Variants in RAB11FIP3 observed in about 807,000 individuals in gnomAD.
RAB11FIP3 encodes rab11 family-interacting protein 3.
In RAB11FIP3, 17 loss-of-function variants were observed where a neutral mutation model predicts 77.8. The ratio of observed to expected loss-of-function variants is 0.22; its 90% CI spans 0.15 to 0.33. RAB11FIP3 has a LOEUF of 0.33. Ranked by LOEUF, RAB11FIP3 falls within the 10% of genes least tolerant of loss-of-function variation. The pLI, the probability that RAB11FIP3 is intolerant of heterozygous loss-of-function variation, is 1.00. For synonymous variants in RAB11FIP3, 437 were observed against 448.2 expected (o/e 0.98, Z 0.31); for missense variants, 1,005 against 1,011.2 (o/e 0.99, Z 0.08).
In RAB11FIP3 at chr16:519,899, C is replaced by A. The variant is rs1333622150; in HGVS notation, c.1860+8C>A. The A allele has an allele frequency of 4.5e-6, 7 of 1,570,476 alleles. No individual in the cohort carries two copies. The highest frequency in any genetic ancestry group is 4.0e-4 in the Middle Eastern group (2 of 4,992). ...AAGGAGGCCACCCAGGAGGTGAGCA[C>A]CCACCCTGCCCCACGCCCAGTCCTG... On this transcript the variant is annotated splice_region_variant and intron_variant, in intron 11 of 13. Coordinates refer to ENST00000262305, the MANE Select transcript of RAB11FIP3 (RefSeq NM_014700.4).
At chr16:430,025 A>G (rs944115642) in intron 1 of RAB11FIP3, among the ~76,000 whole-genome samples, 5 of 152,008 alleles carry the variant, frequency 3.3e-5, no homozygotes, top group African/African-American at 1.2e-4. Context: ...GTGTAGTGTA[A>G]TATAACACAG....
At chr16:520,676 G>C (rs773834915) in intron 13 of RAB11FIP3, 50 bp from the exon 14 acceptor site, 2 of 1,610,986 alleles carry the variant, frequency 1.2e-6, no homozygotes, top group East Asian at 4.5e-5. Context: ...TTTATGCGCT[G>C]TGGCCTGTGG....
In RAB11FIP3 at chr16:463,428, CG is replaced by C. The variant is rs1195350232; in HGVS notation, c.808+1933del. ...GGGAAACGTGCTGTGTGTTGTTCCC[CG>C]GTTTTTTTTTTTTTTTTTTTTTTTT... On this transcript the variant is annotated intron_variant, in intron 2 of 13. Transcript: ENST00000262305. Among the ~76,000 whole-genome samples the C allele has an allele frequency of 4.5e-3, 629 of 140,826 alleles. 4 individuals are homozygous for C. Among genetic ancestry groups the C allele is most frequent in the African/African-American group, 0.016 (602 of 37,360 alleles). 92.4% of individuals were successfully genotyped at this position (140,826 alleles called of 152,430 possible). A position where few individuals can be genotyped will look rare whatever the true frequency, so the allele number is the denominator to read the frequency against.
chr16:439,884 G>T (rs546962554), intron 1 of RAB11FIP3, among the ~76,000 whole-genome samples: 1 of 151,132 alleles, frequency 6.6e-6, no homozygotes, highest in East Asian at 1.9e-4. Context: ...TCGCTCTGTT[G>T]CCCAGCTGGA....
chr16:480,958 C>T lies in RAB11FIP3; in HGVS notation c.904-1567C>T, dbSNP rs2056027194. On this transcript the variant is annotated intron_variant, in intron 3 of 13. Transcript: ENST00000262305. Reference sequence around the variant, plus strand: ...CCTGAGTAGCTGGGATACAGGAGTTCGCCACCACACCCGGCTAATTTTGTA... The same window carrying T: ...CCTGAGTAGCTGGGATACAGGAGTTTGCCACCACACCCGGCTAATTTTGTA... 1.8e-5 allele frequency among the ~76,000 whole-genome samples: 2 copies of T among 111,702 alleles called. 1 individual carries two copies. The highest frequency in any genetic ancestry group is 4.4e-5 in the Non-Finnish European group (2 of 45,470). 73.3% of individuals were successfully genotyped at this position (111,702 alleles called of 152,430 possible).
intron 1 of RAB11FIP3, among the ~76,000 whole-genome samples, chr16:433,248 G>C (rs1470325677): frequency 7.5e-6 from 1 of 132,652 alleles, no homozygotes; most frequent in Non-Finnish European, 1.6e-5. Flanking sequence ...GGCCAGGCTG[G>C]TCTCGAACTC....
chr16:492,370 A>ACCCGAGGCCGTCCAGGGCCCTTCCCGGGG (rs2030411501), intron 5 of RAB11FIP3, among the ~76,000 whole-genome samples: 3 of 131,798 alleles, frequency 2.3e-5, no homozygotes, highest in Admixed American at 7.3e-5. Context: ...TCTTCCCGGG[A>ACCCGAGGCCGTCCAGGGCCCTTCCCGGGG]GACCCGAGGC....
chr16:433,032 T>C (rs2055064591), intron 1 of RAB11FIP3, among the ~76,000 whole-genome samples: 2 of 118,536 alleles, frequency 1.7e-5, no homozygotes, highest in South Asian at 6.3e-4. Context: ...ATTTATCTTT[T>C]TTTTTTTTTT....
intron 2 of RAB11FIP3, among the ~76,000 whole-genome samples, chr16:469,218 G>A (rs1217537665): frequency 6.6e-6 from 1 of 151,718 alleles, no homozygotes; most frequent in Non-Finnish European, 1.5e-5. Context: ...TGGGATTACA[G>A]GCACATACCA....
chr16:446,664 C>T (rs891101993), intron 1 of RAB11FIP3, among the ~76,000 whole-genome samples: 5 of 152,282 alleles, frequency 3.3e-5, no homozygotes, highest in African/African-American at 4.8e-5. Context: ...GGACTTATTT[C>T]CATATAGTCC....
chr16:478,508 C>G (rs867879488), intron 3 of RAB11FIP3, among the ~76,000 whole-genome samples: 2 of 151,968 alleles, frequency 1.3e-5, no homozygotes, highest in African/African-American at 4.8e-5. Context: ...CTGCTTCTTA[C>G]GATACTAGAA....
Position 433,274 on chromosome 16 carries a change from G to A in RAB11FIP3, c.714+6554G>A, listed in dbSNP as rs182674593. 3.7e-3 allele frequency among the ~76,000 whole-genome samples: 508 copies of A among 136,336 alleles called. 2 individuals are homozygous for A. Among genetic ancestry groups the A allele is most frequent in the Admixed American group, 7.4e-3 (95 of 12,804 alleles). 89.4% of individuals were successfully genotyped at this position (136,336 alleles called of 152,430 possible). A position where few individuals can be genotyped will look rare whatever the true frequency, so the allele number is the denominator to read the frequency against. On this transcript the variant is annotated intron_variant, in intron 1 of 13. Transcript: ENST00000262305. ...TCTCGAACTCCTGACCTGGTGATCC[G>A]CCCACCTGGGCCTCCCAAAGTACTG...
chr16:522,245 A>AATATATAT lies in RAB11FIP3; in HGVS notation c.*1427_*1434dup, dbSNP rs57161308. ...AAGAGAAAACTGTGTATACACATGAAATATATATATATATATATATATATA... is the reference window on the plus strand; with the variant it reads ...AAGAGAAAACTGTGTATACACATGAAATATATATATATATATATATATATATATATATA... On this transcript the variant is annotated 3_prime_UTR_variant, in exon 14 of 14. Coordinates refer to ENST00000262305, the MANE Select transcript of RAB11FIP3 (RefSeq NM_014700.4). 372 of 134,654 alleles carry AATATATAT rather than the reference A, an allele frequency of 2.8e-3. 2 individuals carry two copies. Among genetic ancestry groups the AATATATAT allele is most frequent in the East Asian group, 8.4e-3 (38 of 4,538 alleles). The allele number at this position is 134,654 out of a possible 1,614,324, so 8.3% of individuals were successfully genotyped here.
At chr16:460,181 G>A (rs1228914074) in intron 1 of RAB11FIP3, among the ~76,000 whole-genome samples, 2 of 152,060 alleles carry the variant, frequency 1.3e-5, no homozygotes, top group Admixed American at 1.3e-4. Flanking sequence ...CCTGGCCTGA[G>A]TTGTCTTCTT....
At chr16:508,917 T>A (rs1234754372) in intron 8 of RAB11FIP3, among the ~76,000 whole-genome samples, 2 of 152,006 alleles carry the variant, frequency 1.3e-5, no homozygotes, top group Non-Finnish European at 2.9e-5. Context: ...CTTTTTTTTT[T>A]TTTTGAGACA....
Position 426,312 on chromosome 16 carries a change from C to A in RAB11FIP3, c.306C>A (p.Ser102Arg), listed in dbSNP as rs2054940765. Reference protein sequence around the residue: ...PRSGPRGQLASPDAPGPGPRS... With the variant: ...PRSGPRGQLARPDAPGPGPRS... Reference sequence around the variant, plus strand: ...CCGGCCCGCGGGGGCAGCTTGCGAGCCCCGACGCCCCGGGCCCAGGGCCGC... The same window carrying A: ...CCGGCCCGCGGGGGCAGCTTGCGAGACCCGACGCCCCGGGCCCAGGGCCGC... The change falls in exon 1 of 14, where the codon AGC becomes AGA. Residue 102 changes from serine (S) to arginine (R), a missense_variant. Ser to Arg is a moderately radical substitution (Grantham distance 110). This residue lies in a region of RAB11FIP3 where 466 missense variants were observed against 408.3 expected (regional missense o/e 1.14). Transcript: ENST00000262305. The surrounding 1 kb of genome is among the most constrained non-coding windows in gnomAD (Gnocchi z 5.0). 1.5e-6 allele frequency: 2 copies of A among 1,335,164 alleles called. No homozygotes were observed. The highest frequency in any genetic ancestry group is 1.9e-6 in the Non-Finnish European group (2 of 1,041,348). 82.7% of individuals were successfully genotyped at this position (1,335,164 alleles called of 1,614,324 possible).
intron 1 of RAB11FIP3, among the ~76,000 whole-genome samples, chr16:437,627 G>C (rs1373633179): frequency 6.8e-6 from 1 of 147,546 alleles, no homozygotes; most frequent in Admixed American, 6.8e-5. Flanking sequence ...ACCCAAAGAA[G>C]TGATAAATGT....
At chr16:438,662 G>A (rs2055173845) in intron 1 of RAB11FIP3, among the ~76,000 whole-genome samples, 2 of 150,972 alleles carry the variant, frequency 1.3e-5, no homozygotes, top group Admixed American at 6.7e-5. Context: ...GGGATTACAG[G>A]CATGAGCCAA....
chr16:428,150 AG>A (rs2054982425), intron 1 of RAB11FIP3, among the ~76,000 whole-genome samples: 1 of 151,966 alleles, frequency 6.6e-6, no homozygotes, highest in African/African-American at 2.4e-5. Context: ...CTGATAAATC[AG>A]GGTTCCTTGC....
Sources: gnomAD v4.1 joint callset for allele counts (sites outside exome capture counted in the v4.1 genomes callset) on GRCh38, gnomAD v4.1.1 for gene constraint, gnomAD v4.1.1 regional missense constraint, Gnocchi (gnomAD v3.1) non-coding constraint, MANE v1.5 for transcripts, NCBI Gene and HGNC (gene_info 2026-07-23, HGNC 2026-07-21) for gene names.